Variants in MTHFD1 observed in about 807,000 individuals in gnomAD.
MTHFD1 encodes the protein C-1-tetrahydrofolate synthase, cytoplasmic.
A neutral mutation model predicts 110.3 loss-of-function variants in MTHFD1; 44 were observed. That is an observed-to-expected ratio of 0.40 (90% CI 0.31 to 0.51). The LOEUF (loss-of-function observed/expected upper bound fraction) is 0.51. Ranked by LOEUF, MTHFD1 falls within the 20% of genes least tolerant of loss-of-function variation. MTHFD1 has a pLI of 0.60. For missense variants in MTHFD1, 909 were observed against 1,173.1 expected, an observed-to-expected ratio of 0.77 and a Z score of 3.29; for synonymous variants, 402 against 428.8, an observed-to-expected ratio of 0.94 and a Z score of 0.77.
At chr14:64,459,714 AGTGC>A (rs1412932142) in intron 27 of MTHFD1, 41 bp from the exon 28 acceptor site, 1 of 849,040 alleles carries the variant, frequency 1.2e-6, no homozygotes, top group South Asian at 1.9e-5. Context: ...GAAACATTTC[AGTGC>A]TTGCTTAGAG....
chr14:64,427,601 C>A, intron 12 of MTHFD1, 128 bp downstream of exon 12: 1 of 964,440 alleles, frequency 1.0e-6, no homozygotes, highest in Non-Finnish European at 1.7e-6. Context: ...GTCATTCTCA[C>A]AAACCTCTGT....
chr14:64,415,882 T>A, intron 6 of MTHFD1, 143 bp downstream of exon 6: 1 of 822,354 alleles, frequency 1.2e-6, no homozygotes, highest in Admixed American at 2.0e-5. Context: ...GGATGTTACC[T>A]AAATTTTCTC....
intron 26 of MTHFD1, among the ~76,000 whole-genome samples, chr14:64,455,331 A>T (rs1009961636): frequency 2.6e-5 from 4 of 152,340 alleles, no homozygotes; most frequent in East Asian, 1.9e-4. Context: ...TTTTTAAGTA[A>T]GGAATTTCCC....
chr14:64,425,649 T>G (rs997308025), intron 9 of MTHFD1, 81 bp from the exon 10 acceptor site: 1 of 1,135,044 alleles, frequency 8.8e-7, no homozygotes, highest in Non-Finnish European at 1.3e-6. Context: ...GTGATTGAAC[T>G]GGAGTGACCT....
intron 13 of MTHFD1, among the ~76,000 whole-genome samples, chr14:64,430,942 G>A (rs1040511281): frequency 6.6e-6 from 1 of 152,138 alleles, no homozygotes; most frequent in Non-Finnish European, 1.5e-5. Context: ...CAGTGTGGCT[G>A]TTGATCCCAG....
intron 12 of MTHFD1, among the ~76,000 whole-genome samples, chr14:64,428,965 T>C (rs959264442): frequency 6.6e-6 from 1 of 152,242 alleles, no homozygotes; most frequent in East Asian, 1.9e-4. Context: ...GAACCCATTA[T>C]TTTCCTTTTA....
chr14:64,449,350 A>G, intron 23 of MTHFD1, 95 bp from the exon 24 acceptor site: 2 of 1,398,048 alleles, frequency 1.4e-6, no homozygotes, highest in South Asian at 2.3e-5. Flanking sequence ...TTCGTTTATC[A>G]GTGGGTAATT....
chr14:64,428,102 G>GTTTTTTT (rs11289659), intron 12 of MTHFD1, among the ~76,000 whole-genome samples: 11 of 74,722 alleles, frequency 1.5e-4, no homozygotes, highest in South Asian at 5.9e-4. Flanking sequence ...AAGAACATGT[G>GTTTTTTT]TTTTTTTTTT....
intron 2 of MTHFD1, among the ~76,000 whole-genome samples, chr14:64,409,531 T>C (rs1040674157): frequency 1.9e-4 from 29 of 152,244 alleles, no homozygotes; most frequent in Middle Eastern, 3.4e-3. Flanking sequence ...CTTTCCTACT[T>C]TGATCTAAAA....
At chr14:64,389,215 G>C (rs2077785998) in intron 1 of MTHFD1, 1 of 152,260 alleles carries the variant, frequency 6.6e-6, no homozygotes, top group Non-Finnish European at 1.5e-5. Flanking sequence ...GAGAGTAGAA[G>C]GAAGAGGGAA....
chr14:64,431,523 C>G lies in MTHFD1; in HGVS notation c.1312-9C>G. 1 of 1,608,530 alleles carries G rather than the reference C, an allele frequency of 6.2e-7. No individual in the cohort carries two copies. Among genetic ancestry groups the G allele is most frequent in the Non-Finnish European group, 8.5e-7 (1 of 1,175,274 alleles). ...CTGGGAGACTAATGTGGCTTCTGTT[C>G]TTTTGTAGTTTAATCTCCACCTCAC... On this transcript the variant is annotated splice_polypyrimidine_tract_variant and intron_variant, in intron 13 of 27. Coordinates refer to ENST00000652337, the MANE Select transcript of MTHFD1 (RefSeq NM_005956.4).
In MTHFD1 at chr14:64,454,625, G is replaced by A. The variant is rs999031689; in HGVS notation, c.2566-98G>A. ...GTATATAAAGGGAGTTGGATGTTTC[G>A]AATAAATTGAAGAATCCATGTAATC... On this transcript the variant is annotated intron_variant, in intron 25 of 27. Transcript: ENST00000652337. 64 of 984,402 alleles carry A rather than the reference G, an allele frequency of 6.5e-5. 1 individual carries two copies. The highest frequency in any genetic ancestry group is 5.5e-5 in the Non-Finnish European group (34 of 622,374). 61.0% of individuals were successfully genotyped at this position (984,402 alleles called of 1,614,324 possible).
At chr14:64,442,495 T>A in intron 21 of MTHFD1, 93 bp downstream of exon 21, 2 of 1,345,634 alleles carry the variant, frequency 1.5e-6, no homozygotes, top group Middle Eastern at 2.1e-4. Flanking sequence ...ATTGAGTTGC[T>A]CTTATCCTCG....
chr14:64,397,994 A>G (rs60554486), intron 1 of MTHFD1, among the ~76,000 whole-genome samples: 8,730 of 152,260 alleles, frequency 0.057, 442 homozygotes, highest in African/African-American at 0.14. Context: ...TTAGGGCCAA[A>G]GAGAGCCTGG....
chr14:64,459,332 C>G (rs1196519484), intron 27 of MTHFD1, among the ~76,000 whole-genome samples: 1 of 152,102 alleles, frequency 6.6e-6, no homozygotes, highest in African/African-American at 2.4e-5. Flanking sequence ...GTTACAAATC[C>G]TGTGTGGAAC....
At chr14:64,431,894 G>A (rs565728760) in intron 15 of MTHFD1, 33 bp downstream of exon 15, 5 of 1,574,020 alleles carry the variant, frequency 3.2e-6, no homozygotes, top group South Asian at 1.1e-5. Flanking sequence ...TTTTTATATT[G>A]TATGGAATCT....
intron 15 of MTHFD1, among the ~76,000 whole-genome samples, chr14:64,435,269 C>G (rs1292197970): frequency 6.6e-6 from 1 of 152,008 alleles, no homozygotes; most frequent in Non-Finnish European, 1.5e-5. Context: ...CTGAAGCTCT[C>G]CTTCTTTGCT....
At chr14:64,391,534 C>A (rs1368854168) in intron 1 of MTHFD1, among the ~76,000 whole-genome samples, 1 of 152,152 alleles carries the variant, frequency 6.6e-6, no homozygotes, top group Non-Finnish European at 1.5e-5. Flanking sequence ...GAATGCTATC[C>A]CTGACTCGTC....
intron 19 of MTHFD1, chr14:64,441,678 C>T (rs543510087): frequency 1.4e-4 from 80 of 562,464 alleles, no homozygotes; most frequent in South Asian, 6.4e-4. Flanking sequence ...TGGTGGCGGG[C>T]GCCTGTAGTC....
Sources: gnomAD v4.1 joint callset for allele counts (sites outside exome capture counted in the v4.1 genomes callset) on GRCh38, gnomAD v4.1.1 for gene constraint, MANE v1.5 for transcripts, NCBI Gene and HGNC (gene_info 2026-07-23, HGNC 2026-07-21) for gene names.